Variants in HPF1 observed in about 807,000 individuals in gnomAD.
The protein encoded by HPF1 is histone PARylation factor 1, also known as UPF0609 protein C4orf27.
In HPF1, 35 loss-of-function variants were observed where a neutral mutation model predicts 38.8. That is an observed-to-expected ratio of 0.90 (90% CI 0.69 to 1.19). HPF1 has a LOEUF of 1.19. Ranked by LOEUF, HPF1 falls within the 50% of genes most tolerant of loss-of-function variation. HPF1 has a pLI of 0.00. For synonymous variants in HPF1, 115 were observed against 139.2 expected (o/e 0.83, Z 1.22); for missense variants, 367 against 405.8 (o/e 0.90, Z 0.82).
intron 4 of HPF1, among the ~76,000 whole-genome samples, chr4:169,743,124 T>TC (rs1429175791): frequency 6.6e-6 from 1 of 151,966 alleles, no homozygotes; most frequent in African/African-American, 2.4e-5. Flanking sequence ...TGTCTTTTTT[T>TC]CCGAGATGTT....
At chr4:169,742,684 T>G (rs556968938) in intron 4 of HPF1, among the ~76,000 whole-genome samples, 2 of 152,048 alleles carry the variant, frequency 1.3e-5, no homozygotes, top group Admixed American at 6.5e-5. Context: ...CCCAGCTACT[T>G]GGGAGGCTGA....
chr4:169,731,159 C>G (rs1733822832), intron 7 of HPF1, among the ~76,000 whole-genome samples: 1 of 152,198 alleles, frequency 6.6e-6, no homozygotes, highest in Non-Finnish European at 1.5e-5. Context: ...CTTCAGGCAA[C>G]TATGGTCGAG....
intron 4 of HPF1, among the ~76,000 whole-genome samples, chr4:169,748,284 C>G (rs6854135): frequency 0.062 from 9,440 of 151,846 alleles, 976 homozygotes; most frequent in African/African-American, 0.22. Flanking sequence ...GGTGAAGAGG[C>G]ACAAAATAAC....
chr4:169,737,097 T>C (rs369950033), intron 6 of HPF1, among the ~76,000 whole-genome samples: 1 of 151,978 alleles, frequency 6.6e-6, no homozygotes, highest in Non-Finnish European at 1.5e-5. Flanking sequence ...AAGCAGGCAA[T>C]GGGTTAAAAT....
At chr4:169,751,560 G>T (rs1734120165) in intron 2 of HPF1, among the ~76,000 whole-genome samples, 1 of 152,076 alleles carries the variant, frequency 6.6e-6, no homozygotes, top group African/African-American at 2.4e-5. Flanking sequence ...CACAGACAGG[G>T]AGTGTTCATA....
At position 169,751,241 on chromosome 4, in the gene HPF1, A is replaced by G. The variant is rs183402475; in HGVS notation, c.209-516T>C. 2.8e-3 allele frequency among the ~76,000 whole-genome samples: 429 copies of G among 152,110 alleles called. 4 individuals carry two copies. The highest frequency in any genetic ancestry group is 1.0e-2 in the African/African-American group (414 of 41,492). Reference sequence around the variant, plus strand: ...AACATGGCAAAACCCCGTCTCTACTAAAAATACAAAAATTAGCCGGGTGTG... The same window carrying G: ...AACATGGCAAAACCCCGTCTCTACTGAAAATACAAAAATTAGCCGGGTGTG... On this transcript the variant is annotated intron_variant, in intron 2 of 7. Transcript: ENST00000393381.
intron 4 of HPF1, among the ~76,000 whole-genome samples, chr4:169,747,517 AAG>A (rs1734064873): frequency 1.3e-5 from 2 of 152,208 alleles, no homozygotes; most frequent in Admixed American, 1.3e-4. Flanking sequence ...AAAGAGGTCA[AAG>A]AAAAGATAAT....
chr4:169,742,706 G>A (rs575365229), intron 4 of HPF1, among the ~76,000 whole-genome samples: 5 of 152,256 alleles, frequency 3.3e-5, no homozygotes, highest in African/African-American at 1.2e-4. Flanking sequence ...GCAGGAGAAC[G>A]GCGTGAACCC....
In HPF1 at chr4:169,750,690, C is replaced by G. The variant is rs61997071; in HGVS notation, c.244G>C (p.Gly82Arg). 4,896 of 1,611,748 alleles carry G rather than the reference C, an allele frequency of 3.0e-3. 11 individuals carry two copies. Among genetic ancestry groups the G allele is most frequent in the Non-Finnish European group, 3.7e-3 (4,383 of 1,179,016 alleles). ...TTTCCAGCAAGGATATCATAAGGAC[C>G]AACTAATTGAAGTCCAAGGCTTGCA... ...LSASLGLQLV[G>R]PYDILAGKHK... The change falls in exon 3 of 8, where the codon GGT (glycine) becomes CGT (arginine). Residue 82 changes from glycine (G) to arginine (R), a missense_variant. Gly to Arg is a moderately radical substitution (Grantham distance 125). Transcript: ENST00000393381.
At chr4:169,737,568 AG>A in intron 6 of HPF1, 91 bp downstream of exon 6, 1 of 804,706 alleles carries the variant, frequency 1.2e-6, no homozygotes. Flanking sequence ...GTGTCAGAAA[AG>A]GTATATAGAC....
At chr4:169,734,400 C>T (rs1226942642) in intron 6 of HPF1, among the ~76,000 whole-genome samples, 2 of 152,158 alleles carry the variant, frequency 1.3e-5, no homozygotes, top group Non-Finnish European at 1.5e-5. Context: ...TAAAGTTTAT[C>T]GCTTTCCAGT....
intron 4 of HPF1, among the ~76,000 whole-genome samples, chr4:169,746,881 A>ATTTTTTTTTTTTTTT (rs57187475): frequency 7.2e-6 from 1 of 138,890 alleles, no homozygotes; most frequent in Non-Finnish European, 1.6e-5. Flanking sequence ...TCACCCATGC[A>ATTTTTTTTTTTTTTT]TTTTTTTTTT....
chr4:169,755,115 T>A (rs1734172440), intron 1 of HPF1, among the ~76,000 whole-genome samples: 2 of 147,814 alleles, frequency 1.4e-5, no homozygotes. Context: ...TGAAGTTTAT[T>A]AACGTTAGGT....
At chr4:169,752,242 C>T (rs1401223729) in intron 2 of HPF1, among the ~76,000 whole-genome samples, 1 of 135,498 alleles carries the variant, frequency 7.4e-6, no homozygotes, top group Non-Finnish European at 1.5e-5. Flanking sequence ...GTGATCTTGG[C>T]TCACTGCAAC....
intron 5 of HPF1, among the ~76,000 whole-genome samples, chr4:169,740,523 T>A (rs1233439722): frequency 1.3e-5 from 2 of 152,210 alleles, no homozygotes; most frequent in Non-Finnish European, 2.9e-5. Context: ...CATATACTAG[T>A]GGAATTGAAT....
chr4:169,731,616 A>C (rs953857661), intron 7 of HPF1, 88 bp downstream of exon 7: 21 of 983,910 alleles, frequency 2.1e-5, no homozygotes, highest in Admixed American at 2.8e-5. Context: ...GGGGGTATAA[A>C]TGTGCACGTA....
chr4:169,733,993 G>T (rs899105456), intron 6 of HPF1, among the ~76,000 whole-genome samples: 1 of 151,612 alleles, frequency 6.6e-6, no homozygotes, highest in African/African-American at 2.4e-5. Flanking sequence ...GTTCAGTCTT[G>T]ACGACAGTAC....
intron 4 of HPF1, among the ~76,000 whole-genome samples, chr4:169,747,000 A>G (rs547340733): frequency 2.2e-5 from 3 of 134,260 alleles, no homozygotes; most frequent in African/African-American, 1.2e-4. Context: ...TTTAAAAAAA[A>G]AAAAAAACAT....
chr4:169,733,844 G>A (rs1180361673), intron 6 of HPF1, among the ~76,000 whole-genome samples: 5 of 150,574 alleles, frequency 3.3e-5, no homozygotes, highest in African/African-American at 7.4e-5. Context: ...GCAGTGAGCC[G>A]TGGTCATGCC....
Sources: allele counts gnomAD v4.1 joint callset (sites outside exome capture counted in the v4.1 genomes callset), GRCh38; gene constraint gnomAD v4.1.1; transcripts MANE v1.5; gene names NCBI Gene and HGNC (gene_info 2026-07-23, HGNC 2026-07-21).